Variants in TRPC6 observed in about 807,000 individuals in gnomAD.
TRPC6 encodes transient receptor potential cation channel subfamily C member 6, also known as short transient receptor potential channel 6.
Under a neutral mutation model 90.7 loss-of-function variants are expected in TRPC6, and 55 were observed. The observed-to-expected ratio is 0.61, with a 90% CI of 0.49 to 0.76. The LOEUF is 0.76. Among genes scored for constraint, TRPC6 ranks in the 30% least tolerant of loss-of-function variants. The pLI is 0.00. For synonymous variants in TRPC6, 393 were observed against 393.0 expected (o/e 1.00, Z 0.00); for missense variants, 989 against 1,122.7 (o/e 0.88, Z 1.70).
At chr11:101,560,249 G>GA (rs1162765126) in intron 1 of TRPC6, among the ~76,000 whole-genome samples, 2 of 151,616 alleles carry the variant, frequency 1.3e-5, no homozygotes, top group Non-Finnish European at 1.5e-5. Context: ...TTTAGCATTT[G>GA]AAAAAATCAG....
intron 1 of TRPC6, among the ~76,000 whole-genome samples, chr11:101,557,694 A>G (rs975921838): frequency 2.0e-5 from 3 of 152,168 alleles, no homozygotes; most frequent in Non-Finnish European, 2.9e-5. Context: ...AACACAGAAA[A>G]ATCAGTAACA....
In TRPC6 at chr11:101,583,841, G is replaced by A. The variant is rs913819521; in HGVS notation, c.-338C>T. On this transcript the variant is annotated 5_prime_UTR_variant, in exon 1 of 13. Coordinates refer to ENST00000344327, the MANE Select transcript of TRPC6 (RefSeq NM_004621.6). ...CGAAGCGTAAGAGCGGAGAGCAAGGGAGACGGAGCTGAAGAGTTACTATGT... is the reference window on the plus strand; with the variant it reads ...CGAAGCGTAAGAGCGGAGAGCAAGGAAGACGGAGCTGAAGAGTTACTATGT... The A allele has an allele frequency of 3.6e-6, 1 of 275,874 alleles. No individual in the cohort carries two copies. The allele number at this position is 275,874 out of a possible 1,614,324, so 17.1% of individuals were successfully genotyped here.
chr11:101,488,804 G>T, intron 4 of TRPC6, 133 bp downstream of exon 4: 1 of 953,022 alleles, frequency 1.0e-6, no homozygotes, highest in Non-Finnish European at 1.6e-6. Flanking sequence ...GAATTATTTT[G>T]TAATGTTAAA....
chr11:101,570,350 A>G (rs576546139), intron 1 of TRPC6, among the ~76,000 whole-genome samples: 2 of 152,350 alleles, frequency 1.3e-5, no homozygotes, highest in African/African-American at 4.8e-5. Context: ...GAATAGACCA[A>G]TAACAAGTTC....
At chr11:101,500,169 C>T (rs1217045446) in intron 2 of TRPC6, among the ~76,000 whole-genome samples, 1 of 148,050 alleles carries the variant, frequency 6.8e-6, no homozygotes, top group Admixed American at 6.7e-5. Flanking sequence ...AGAATTGTGT[C>T]ACATAGTTAA....
intron 1 of TRPC6, among the ~76,000 whole-genome samples, chr11:101,515,019 T>C (rs1258314196): frequency 6.6e-6 from 1 of 152,180 alleles, no homozygotes; most frequent in Non-Finnish European, 1.5e-5. Flanking sequence ...ACTGTAAAAA[T>C]GGAAAGGGAA....
intron 1 of TRPC6, among the ~76,000 whole-genome samples, chr11:101,559,522 T>C (rs1174097130): frequency 6.6e-6 from 1 of 152,208 alleles, no homozygotes; most frequent in Non-Finnish European, 1.5e-5. Context: ...AAGTTAACTT[T>C]TTTTCATAGG....
At chr11:101,456,889 G>A (rs902274084) in intron 10 of TRPC6, among the ~76,000 whole-genome samples, 1 of 152,038 alleles carries the variant, frequency 6.6e-6, no homozygotes, top group African/African-American at 2.4e-5. Context: ...AAAAATTCTA[G>A]TCAGTTTCTA....
chr11:101,532,590 A>G (rs1391829435), intron 1 of TRPC6, among the ~76,000 whole-genome samples: 2 of 152,190 alleles, frequency 1.3e-5, no homozygotes, highest in African/African-American at 4.8e-5. Flanking sequence ...AGTAACTGGG[A>G]GCGGACAATG....
rs199743177 is a variant in TRPC6, at chr11:101,504,082, G to A, written c.887C>T (p.Thr296Met). The change falls in exon 2 of 13, where the codon ACG becomes ATG. Residue 296 changes from threonine to methionine, a missense_variant. By Grantham distance (81) the Thr-to-Met change is moderately conservative. This residue lies in a region of TRPC6 where 486 missense variants were observed against 591.9 expected (regional missense o/e 0.82). Transcript: ENST00000344327. ...LSLSSEDPVM[T>M]ALELSNELAV... ...CAGTTCATTGCTAAGTTCTAAAGCC[G>A]TCATGACTGGATCTTCACTAGACAA... 55 of 1,614,050 alleles carry A rather than the reference G, an allele frequency of 3.4e-5. No individual in the cohort carries two copies. The highest frequency in any genetic ancestry group is 1.7e-4 in the Admixed American group (10 of 60,002).
intron 1 of TRPC6, among the ~76,000 whole-genome samples, chr11:101,525,534 A>G (rs1860758887): frequency 6.6e-6 from 1 of 152,216 alleles, no homozygotes; most frequent in African/African-American, 2.4e-5. Context: ...CTACAGGATG[A>G]GTATGAATTA....
chr11:101,460,809 AAAG>A (rs1295470156), intron 10 of TRPC6, among the ~76,000 whole-genome samples: 1 of 152,218 alleles, frequency 6.6e-6, no homozygotes, highest in African/African-American at 2.4e-5. Flanking sequence ...TAAATATAAA[AAAG>A]AAGTCAGTTG....
rs1426947489 is a variant in TRPC6 at position 101,564,326 on chromosome 11, A to G, written c.170+19008T>C. ...GATTTTATATAACAATCATATACAT[A>G]GCAATTTGCTAAACTCTCTTACTGT... On this transcript the variant is annotated intron_variant, in intron 1 of 12. Coordinates refer to ENST00000344327, the MANE Select transcript of TRPC6 (RefSeq NM_004621.6). Among the ~76,000 whole-genome samples the G allele has an allele frequency of 2.0e-5, 3 of 152,238 alleles. No individual in the cohort carries two copies. The East Asian group carries it at 5.8e-4, about 29-fold the overall frequency.
intron 1 of TRPC6, among the ~76,000 whole-genome samples, chr11:101,546,050 CTTTTTTTTTTTTTTTTT>C (rs1166182552): frequency 3.4e-5 from 1 of 29,694 alleles, no homozygotes; most frequent in East Asian, 8.0e-4. Flanking sequence ...ATTTATAACT[CTTTTTTTTTTTTTTTTT>C]TTTTTTTTTT....
rs773581652 is a variant in TRPC6, at chr11:101,473,590, A to G, written c.1928T>C (p.Met643Thr). 1.2e-6 allele frequency: 2 copies of G among 1,613,678 alleles called. No individual in the cohort carries two copies. The highest frequency in any genetic ancestry group is 4.5e-5 in the East Asian group (2 of 44,846). Residue 643 changes from methionine to threonine, a missense_variant, in exon 7 of 13, where the codon ATG (methionine) becomes ACG (threonine). Around this residue, in one of 4 missense-constraint regions of TRPC6, gnomAD observed 118 missense variants for 197.6 expected, o/e 0.60. Coordinates refer to ENST00000344327, the MANE Select transcript of TRPC6 (RefSeq NM_004621.6). ...DIFKFMVIFIMVFVAFMIGMF... is the reference protein window; with the variant it reads ...DIFKFMVIFITVFVAFMIGMF... The stretch of plus-strand genomic sequence containing the variant: ...TCCAATCATAAAGGCCACAAACACC[A>G]TAATGAATATGACCATGAACTTGAA...
intron 4 of TRPC6, among the ~76,000 whole-genome samples, chr11:101,487,425 C>T (rs549252465): frequency 6.6e-6 from 1 of 152,080 alleles, no homozygotes; most frequent in African/African-American, 2.4e-5. Context: ...TTTGTTACAC[C>T]AGTATACTGC....
intron 1 of TRPC6, among the ~76,000 whole-genome samples, chr11:101,528,884 G>A (rs189174283): frequency 9.2e-5 from 14 of 151,942 alleles, no homozygotes; most frequent in East Asian, 1.9e-4. Flanking sequence ...CAGGCCAATC[G>A]GCATCTGGAA....
chr11:101,504,461 T>G lies in TRPC6; in HGVS notation c.508A>C (p.Ser170Arg). ...TCCACAATCCGAACATAACCTTTACTAATAGCTAGAAGCAAAGCATCCCCA... is the reference window on the plus strand; with the variant it reads ...TCCACAATCCGAACATAACCTTTACGAATAGCTAGAAGCAAAGCATCCCCA... ...RVGDALLLAI[S>R]KGYVRIVEAI... The change falls in exon 2 of 13, where the codon AGT (serine) becomes CGT (arginine). Residue 170 changes from serine (S) to arginine (R), a missense_variant. Coordinates refer to ENST00000344327, the MANE Select transcript of TRPC6 (RefSeq NM_004621.6). The G allele has an allele frequency of 6.2e-7, 1 of 1,613,978 alleles. No homozygotes were observed. Among genetic ancestry groups the G allele is most frequent in the East Asian group, 2.2e-5 (1 of 44,882 alleles).
chr11:101,469,942 T>C (rs1859250009), intron 9 of TRPC6, among the ~76,000 whole-genome samples: 3 of 152,348 alleles, frequency 2.0e-5, no homozygotes, highest in Admixed American at 1.3e-4. Flanking sequence ...CATATTACAG[T>C]TGAGGAAACT....
Sources: gnomAD v4.1 joint callset for allele counts (sites outside exome capture counted in the v4.1 genomes callset) on GRCh38, gnomAD v4.1.1 for gene constraint, gnomAD v4.1.1 regional missense constraint, MANE v1.5 for transcripts, NCBI Gene and HGNC (gene_info 2026-07-23, HGNC 2026-07-21) for gene names.